Variants in KCTD3 observed in about 807,000 individuals in gnomAD.
KCTD3 encodes the protein BTB/POZ domain-containing protein KCTD3.
In KCTD3, 41 loss-of-function variants were observed where a neutral mutation model predicts 85.8. That is an observed-to-expected ratio of 0.48 (90% CI 0.37 to 0.62). The LOEUF is 0.62. KCTD3 is among the 20% of genes least tolerant of loss of function. The pLI, the probability that KCTD3 is intolerant of heterozygous loss-of-function variation, is 0.00. For missense variants in KCTD3, 724 were observed against 989.9 expected (o/e 0.73, Z 3.60); for synonymous variants, 338 against 345.4 (o/e 0.98, Z 0.24).
intron 8 of KCTD3, among the ~76,000 whole-genome samples, chr1:215,581,876 A>G (rs1659838277): frequency 1.3e-5 from 2 of 152,260 alleles, no homozygotes. Context: ...CTTTTTTACA[A>G]GTTATTTTTC....
intron 15 of KCTD3, among the ~76,000 whole-genome samples, chr1:215,612,946 A>G (rs990714706): frequency 6.6e-6 from 1 of 152,140 alleles, no homozygotes; most frequent in Non-Finnish European, 1.5e-5. Context: ...ACATGGACAC[A>G]TGGAAGGGAA....
intron 4 of KCTD3, among the ~76,000 whole-genome samples, chr1:215,577,165 A>G (rs1362233805): frequency 3.3e-5 from 5 of 151,824 alleles, no homozygotes; most frequent in African/African-American, 9.7e-5. Flanking sequence ...TTTGTTCAAC[A>G]AATATTTATT....
At chr1:215,581,003 T>C (rs1410247562) in intron 8 of KCTD3, 1 of 460,372 alleles carries the variant, frequency 2.2e-6, no homozygotes, top group Admixed American at 2.4e-5. Context: ...GGGTCACGCC[T>C]GTAATCCCAG....
intron 15 of KCTD3, among the ~76,000 whole-genome samples, chr1:215,617,520 C>CT (rs1276576983): frequency 2.6e-5 from 4 of 151,522 alleles, no homozygotes; most frequent in East Asian, 3.9e-4. Context: ...TCACAGAACC[C>CT]TTTTTTTTGC....
At chr1:215,618,078 C>T (rs1305530215) in intron 15 of KCTD3, 1 of 465,544 alleles carries the variant, frequency 2.1e-6, no homozygotes, top group Non-Finnish European at 4.5e-6. Flanking sequence ...ATATGCTTCT[C>T]TCTTGTCAGT....
At position 215,602,221 on chromosome 1, in the gene KCTD3, T is replaced by C. The variant is rs1228932478; in HGVS notation, c.1138+20T>C. 3.4e-6 allele frequency: 4 copies of C among 1,165,466 alleles called. No individual in the cohort carries two copies. Among genetic ancestry groups the C allele is most frequent in the African/African-American group, 1.5e-5 (1 of 65,116 alleles). 72.2% of individuals were successfully genotyped at this position (1,165,466 alleles called of 1,614,324 possible). On this transcript the variant is annotated intron_variant, in intron 12 of 17. Transcript: ENST00000259154. Reference sequence around the variant, plus strand: ...AAACAAGTTAGTACATGGCCAATTATATACATTCTTGACTTTTTATCTTTT... The same window carrying C: ...AAACAAGTTAGTACATGGCCAATTACATACATTCTTGACTTTTTATCTTTT...
intron 8 of KCTD3, among the ~76,000 whole-genome samples, chr1:215,583,219 A>G (rs1571877830): frequency 1.3e-5 from 2 of 152,184 alleles, no homozygotes; most frequent in Non-Finnish European, 2.9e-5. Flanking sequence ...TTGACTGAGT[A>G]TACTTACAGT....
chr1:215,598,773 G>A (rs931846863), intron 10 of KCTD3, among the ~76,000 whole-genome samples: 2 of 152,026 alleles, frequency 1.3e-5, no homozygotes, highest in African/African-American at 2.4e-5. Context: ...TGACAGACAC[G>A]TCTGAGAAAA....
intron 1 of KCTD3, among the ~76,000 whole-genome samples, chr1:215,570,008 C>T (rs554932163): frequency 6.6e-6 from 1 of 152,270 alleles, no homozygotes; most frequent in Admixed American, 6.5e-5. Context: ...ATCCTACACT[C>T]GTGCAGCATT....
chr1:215,573,053 C>T (rs1298408393), intron 1 of KCTD3, among the ~76,000 whole-genome samples: 1 of 152,136 alleles, frequency 6.6e-6, no homozygotes, highest in East Asian at 1.9e-4. Flanking sequence ...GGTAAAGATC[C>T]TCCCTTGGTA....
At chr1:215,608,819 A>G (rs1358547601) in intron 14 of KCTD3, among the ~76,000 whole-genome samples, 4 of 151,990 alleles carry the variant, frequency 2.6e-5, no homozygotes, top group African/African-American at 9.7e-5. Flanking sequence ...AGAGAATTCT[A>G]CTACCACAGC....
chr1:215,605,691 A>G (rs1654992967), intron 13 of KCTD3, among the ~76,000 whole-genome samples: 1 of 152,176 alleles, frequency 6.6e-6, no homozygotes, highest in Non-Finnish European at 1.5e-5. Flanking sequence ...AAGCCATCTT[A>G]GTATACAGTA....
chr1:215,620,242 G>A lies in KCTD3; in HGVS notation c.2072G>A (p.Gly691Asp), dbSNP rs1431612474. Residue 691 changes from glycine to aspartate, a missense_variant, in exon 18 of 18, where the codon GGT becomes GAT. Physicochemically the swap from Gly to Asp is moderately conservative, Grantham distance 94. This residue lies in a region of KCTD3 where 222 missense variants were observed against 217.7 expected (regional missense o/e 1.02). Transcript: ENST00000259154. ...ERAVPENGNLGPIQAEVKGAT... is the reference protein window; with the variant it reads ...ERAVPENGNLDPIQAEVKGAT... ...GCTGTCCCTGAAAATGGTAACTTGG[G>A]TCCAATACAAGCTGAAGTGAAAGGG... 1 of 1,613,844 alleles carries A rather than the reference G, an allele frequency of 6.2e-7. No individual in the cohort carries two copies. The highest frequency in any genetic ancestry group is 1.1e-5 in the South Asian group (1 of 91,078).
rs779699158 is a variant in KCTD3 at position 215,620,231 on chromosome 1, T to G, written c.2061T>G (p.Asn687Lys). The change falls in exon 18 of 18, where the codon AAT becomes AAG. Residue 687 changes from asparagine (N) to lysine (K), a missense_variant. Physicochemically the swap from Asn to Lys is moderately conservative, Grantham distance 94. Coordinates refer to ENST00000259154, the MANE Select transcript of KCTD3 (RefSeq NM_016121.5). ...NRNVERAVPE[N>K]GNLGPIQAEV... Reference sequence around the variant, plus strand: ...ATGTAGAAAGAGCTGTCCCTGAAAATGGTAACTTGGGTCCAATACAAGCTG... The same window carrying G: ...ATGTAGAAAGAGCTGTCCCTGAAAAGGGTAACTTGGGTCCAATACAAGCTG... 1 of 1,613,824 alleles carries G rather than the reference T, an allele frequency of 6.2e-7. No individual in the cohort carries two copies. Among genetic ancestry groups the G allele is most frequent in the South Asian group, 1.1e-5 (1 of 91,068 alleles).
At position 215,591,591 on chromosome 1, in the gene KCTD3, G is replaced by A. The variant is rs1023672006; in HGVS notation, c.818-3765G>A. Among the ~76,000 whole-genome samples, 12 of 152,118 alleles carry A rather than the reference G, an allele frequency of 7.9e-5. No individual in the cohort carries two copies. The South Asian group carries it at 1.0e-3, about 13-fold the overall frequency. On this transcript the variant is annotated intron_variant, in intron 9 of 17. Coordinates refer to ENST00000259154, the MANE Select transcript of KCTD3 (RefSeq NM_016121.5). Reference sequence around the variant, plus strand: ...AAGATAGTCTCGATCTCTTGACCTCGTAATCCGCCCGCCTCAGCCTCCGAA... The same window carrying A: ...AAGATAGTCTCGATCTCTTGACCTCATAATCCGCCCGCCTCAGCCTCCGAA...
chr1:215,602,027 T>A (rs1654853233), intron 11 of KCTD3, 58 bp from the exon 12 acceptor site: 2 of 1,407,544 alleles, frequency 1.4e-6, no homozygotes, highest in East Asian at 4.6e-5. Flanking sequence ...ACATTACCTT[T>A]CAGTTTTAAA....
intron 15 of KCTD3, among the ~76,000 whole-genome samples, chr1:215,616,876 T>G (rs1655472359): frequency 6.6e-6 from 1 of 152,246 alleles, no homozygotes; most frequent in Non-Finnish European, 1.5e-5. Flanking sequence ...ATGATAAGTG[T>G]CTTTTTGTAT....
At position 215,602,044 on chromosome 1, in the gene KCTD3, T is replaced by C. The variant is rs369505326; in HGVS notation, c.1022-41T>C. 77 of 1,381,030 alleles carry C rather than the reference T, an allele frequency of 5.6e-5. No individual in the cohort carries two copies. The African/African-American group carries it at 9.2e-4, about 16-fold the overall frequency. 85.5% of individuals were successfully genotyped at this position (1,381,030 alleles called of 1,614,324 possible). On this transcript the variant is annotated intron_variant, in intron 11 of 17. Transcript: ENST00000259154. ...ATTACCTTTCAGTTTTAAATAGATA[T>C]GCTATTTATTTTAATGCTGTTTAAA...
At chr1:215,610,596 A>T (rs1240528276) in intron 14 of KCTD3, among the ~76,000 whole-genome samples, 2 of 151,956 alleles carry the variant, frequency 1.3e-5, no homozygotes, top group East Asian at 3.9e-4. Flanking sequence ...GACTTTGTTT[A>T]TGAGTTATTG....
Sources: gnomAD v4.1 joint callset for allele counts (sites outside exome capture counted in the v4.1 genomes callset) on GRCh38, gnomAD v4.1.1 for gene constraint, gnomAD v4.1.1 regional missense constraint, MANE v1.5 for transcripts, NCBI Gene and HGNC (gene_info 2026-07-23, HGNC 2026-07-21) for gene names.